Variants in ZFHX3 observed in about 807,000 individuals in gnomAD.
The protein encoded by ZFHX3 is zinc finger homeobox 3, also known as zinc finger homeobox protein 3.
In ZFHX3, 42 loss-of-function variants were observed where a neutral mutation model predicts 279.1. The observed-to-expected ratio is 0.15, with a 90% CI of 0.12 to 0.19. The LOEUF is 0.19. Among genes scored for constraint, ZFHX3 ranks in the 10% least tolerant of loss-of-function variants. The pLI is 1.00. For missense variants in ZFHX3, 4,981 were observed against 4,754.0 expected (o/e 1.05, Z -1.40); for synonymous variants, 2,293 against 1,957.8 (o/e 1.17, Z -4.52).
At chr16:73,753,349 G>T (rs1206818224) in intron 1 of ZFHX3, among the ~76,000 whole-genome samples, 2 of 152,120 alleles carry the variant, frequency 1.3e-5, no homozygotes, top group Non-Finnish European at 2.9e-5. Context: ...ACTTGCATGA[G>T]ACACTCCCAC....
rs1397426359 is a variant in ZFHX3, at chr16:73,601,470, A to G, written c.-1547+78710T>C. On this transcript the variant is annotated intron_variant, in intron 2 of 17. Transcript: ENST00000641206. ...GGGCGACAGACTGAGACTCCATCTC[A>G]AAAAAAAAAAAAAAAATTGTTTGGC... is the stretch of plus-strand genomic sequence containing the variant. 7.9e-4 allele frequency among the ~76,000 whole-genome samples: 17 copies of G among 21,522 alleles called. No homozygotes were observed. The Admixed American group carries it at 0.014, about 17-fold the overall frequency. 14.1% of individuals were successfully genotyped at this position (21,522 alleles called of 152,430 possible). A position where few individuals can be genotyped will look rare whatever the true frequency, so the allele number is the denominator to read the frequency against.
chr16:73,361,651 C>A (rs781730490), intron 3 of ZFHX3, among the ~76,000 whole-genome samples: 1 of 152,204 alleles, frequency 6.6e-6, no homozygotes, highest in African/African-American at 2.4e-5. Context: ...CAATCTTGGT[C>A]TCCTTCCCCC....
upstream of ZFHX3, among the ~76,000 whole-genome samples, chr16:73,050,611 C>G (rs1426643123): frequency 6.6e-6 from 1 of 152,208 alleles, no homozygotes; most frequent in African/African-American, 2.4e-5. Context: ...CATATGAAAT[C>G]AGGAGTTCCT....
At chr16:73,778,357 A>C (rs1402562538) in intron 1 of ZFHX3, among the ~76,000 whole-genome samples, 1 of 152,020 alleles carries the variant, frequency 6.6e-6, no homozygotes, top group East Asian at 1.9e-4. Flanking sequence ...CCAAGTGACA[A>C]GTTAGAAAAT....
At chr16:73,057,174 G>A (rs1283582189) in intron 1 of ZFHX3, among the ~76,000 whole-genome samples, 1 of 152,148 alleles carries the variant, frequency 6.6e-6, no homozygotes, top group East Asian at 1.9e-4. Context: ...AGCAACAAGG[G>A]GGAAAAGTTA....
At chr16:72,918,609 T>C (rs1346696229) in intron 3 of ZFHX3, among the ~76,000 whole-genome samples, 1 of 151,944 alleles carries the variant, frequency 6.6e-6, no homozygotes, top group Non-Finnish European at 1.5e-5. Flanking sequence ...ATGGGCTTTA[T>C]GATAATTAAA....
intron 2 of ZFHX3, among the ~76,000 whole-genome samples, chr16:73,626,702 T>G (rs2052420380): frequency 6.6e-6 from 1 of 152,156 alleles, no homozygotes; most frequent in Non-Finnish European, 1.5e-5. Context: ...ACCTTTAATG[T>G]CCAACTTGAG....
intron 2 of ZFHX3, among the ~76,000 whole-genome samples, chr16:73,526,295 G>T (rs1249064990): frequency 1.3e-5 from 2 of 152,230 alleles, no homozygotes; most frequent in Non-Finnish European, 2.9e-5. Context: ...ACGAGTGACA[G>T]GCCCAATGAG....
chr16:73,280,667 T>C (rs1470061469), intron 4 of ZFHX3, among the ~76,000 whole-genome samples: 1 of 151,986 alleles, frequency 6.6e-6, no homozygotes, highest in African/African-American at 2.4e-5. Flanking sequence ...TGTAAATTGG[T>C]ACAGCCATTA....
intron 3 of ZFHX3, among the ~76,000 whole-genome samples, chr16:73,372,327 A>G (rs995269524): frequency 6.6e-6 from 1 of 152,242 alleles, no homozygotes; most frequent in African/African-American, 2.4e-5. Context: ...TAAAAGGAAC[A>G]TGTGAGACAG....
intron 3 of ZFHX3, among the ~76,000 whole-genome samples, chr16:72,924,776 A>C (rs898021583): frequency 1.3e-5 from 2 of 152,230 alleles, no homozygotes; most frequent in Non-Finnish European, 2.9e-5. Flanking sequence ...TAATTGTCAG[A>C]AACCCTTCTC....
intron 3 of ZFHX3, among the ~76,000 whole-genome samples, chr16:72,899,990 A>G (rs1365740355): frequency 1.3e-5 from 2 of 152,110 alleles, no homozygotes; most frequent in Non-Finnish European, 2.9e-5. Context: ...CAATAAAGAA[A>G]CTGATATATA....
chr16:73,749,775 G>C (rs563246376), intron 1 of ZFHX3, among the ~76,000 whole-genome samples: 1 of 152,338 alleles, frequency 6.6e-6, no homozygotes, highest in East Asian at 1.9e-4. Flanking sequence ...GTGAGGAGCT[G>C]AAAGCATGAA....
chr16:73,012,275 TG>T (rs549803614), intron 1 of ZFHX3, among the ~76,000 whole-genome samples: 9 of 152,312 alleles, frequency 5.9e-5, no homozygotes, highest in African/African-American at 2.2e-4. Flanking sequence ...ACCTCTGTGC[TG>T]GGAAGTGCAT....
intron 5 of ZFHX3, among the ~76,000 whole-genome samples, chr16:73,165,185 G>A (rs1012043270): frequency 1.3e-5 from 2 of 152,160 alleles, no homozygotes; most frequent in Admixed American, 1.3e-4. Context: ...GGGAACACAG[G>A]GAGGGCAGGA....
At chr16:73,664,462 T>G (rs181361407) in intron 2 of ZFHX3, among the ~76,000 whole-genome samples, 2 of 152,370 alleles carry the variant, frequency 1.3e-5, no homozygotes, top group Admixed American at 1.3e-4. Flanking sequence ...ATTTATATTC[T>G]TTCAGAAACT....
chr16:73,844,817 G>A (rs1421489199), intron 1 of ZFHX3, among the ~76,000 whole-genome samples: 1 of 151,532 alleles, frequency 6.6e-6, no homozygotes, highest in Non-Finnish European at 1.5e-5. Flanking sequence ...TCAATGGGTA[G>A]ACAGATGGTA....
chr16:73,740,929 T>C (rs1380560005), intron 1 of ZFHX3, among the ~76,000 whole-genome samples: 4 of 152,132 alleles, frequency 2.6e-5, no homozygotes, highest in African/African-American at 9.7e-5. Context: ...GATTATGAGA[T>C]GGCCAAAGTA....
chr16:73,715,797 C>T (rs1368294021), intron 1 of ZFHX3, among the ~76,000 whole-genome samples: 1 of 151,892 alleles, frequency 6.6e-6, no homozygotes, highest in East Asian at 1.9e-4. Context: ...TGGTCTTGAA[C>T]TCCTGACGTC....
Sources: gnomAD v4.1 joint callset for allele counts (sites outside exome capture counted in the v4.1 genomes callset) on GRCh38, gnomAD v4.1.1 for gene constraint, MANE v1.5 for transcripts, NCBI Gene and HGNC (gene_info 2026-07-23, HGNC 2026-07-21) for gene names.